ADGRB3: variants seen among roughly 807,000 people sequenced by gnomAD.
ADGRB3 encodes brain-specific angiogenesis inhibitor 3.
In ADGRB3, 37 loss-of-function variants were observed where a neutral mutation model predicts 193.4. That is an observed-to-expected ratio of 0.19 (90% CI 0.15 to 0.25). The LOEUF is 0.25. Ranked by LOEUF, ADGRB3 falls within the 10% of genes least tolerant of loss-of-function variation. ADGRB3 has a pLI of 1.00. For synonymous variants in ADGRB3, 690 were observed against 644.2 expected, an observed-to-expected ratio of 1.07 and a Z score of -1.08; for missense variants, 1,637 against 1,852.9, an observed-to-expected ratio of 0.88 and a Z score of 2.14.
At chr6:68,934,205 A>G (rs922951982) in intron 4 of ADGRB3, among the ~76,000 whole-genome samples, 1 of 152,142 alleles carries the variant, frequency 6.6e-6, no homozygotes, top group Non-Finnish European at 1.5e-5. Flanking sequence ...TTTTAATTCA[A>G]AATCTGAAAG....
chr6:69,337,423 T>G (rs1768876845), intron 24 of ADGRB3, among the ~76,000 whole-genome samples: 1 of 152,102 alleles, frequency 6.6e-6, no homozygotes, highest in Admixed American at 6.6e-5. Context: ...AAAAAGCAGA[T>G]GCCTAAGTCC....
intron 3 of ADGRB3, among the ~76,000 whole-genome samples, chr6:68,775,288 A>G (rs1766716811): frequency 6.6e-6 from 1 of 152,146 alleles, no homozygotes; most frequent in Non-Finnish European, 1.5e-5. Flanking sequence ...AAAAGTTAAC[A>G]TGAGTGAACA....
At chr6:68,772,882 CAAAAAAA>C (rs763967322) in intron 3 of ADGRB3, among the ~76,000 whole-genome samples, 10 of 23,924 alleles carry the variant, frequency 4.2e-4, no homozygotes, top group South Asian at 3.4e-3. Context: ...AACAAACAAA[CAAAAAAA>C]AAAAAATATA....
chr6:68,721,968 A>G (rs188337276), intron 3 of ADGRB3, among the ~76,000 whole-genome samples: 4 of 151,584 alleles, frequency 2.6e-5, no homozygotes, highest in Admixed American at 2.6e-4. Flanking sequence ...TCATTTTTTC[A>G]TTTGCATTTT....
intron 17 of ADGRB3, among the ~76,000 whole-genome samples, chr6:69,189,862 T>C (rs1395509288): frequency 6.6e-6 from 1 of 152,144 alleles, no homozygotes; most frequent in Non-Finnish European, 1.5e-5. Context: ...CAGCATAACG[T>C]TGTGGTCAAT....
At position 68,814,980 on chromosome 6, in the gene ADGRB3, C is replaced by G. The variant is rs570234321; in HGVS notation, c.758-115579C>G. Among the ~76,000 whole-genome samples, 3 of 152,198 alleles carry G rather than the reference C, an allele frequency of 2.0e-5. No homozygotes were observed. The South Asian group carries it at 6.2e-4, about 32-fold the overall frequency. The stretch of plus-strand genomic sequence containing the variant: ...CTCAATAAATTCGGTATTGATGGGA[C>G]GTATCTCAAAATAATAAGAGCTATC... On this transcript the variant is annotated intron_variant, in intron 3 of 31. Transcript: ENST00000370598.
chr6:68,984,351 G>T (rs1398781395), intron 10 of ADGRB3, among the ~76,000 whole-genome samples: 1 of 152,070 alleles, frequency 6.6e-6, no homozygotes, highest in Non-Finnish European at 1.5e-5. Context: ...GGAAGGCAGG[G>T]CCATGAGGAA....
chr6:69,049,968 C>G (rs1035007375), intron 15 of ADGRB3, among the ~76,000 whole-genome samples: 8 of 152,170 alleles, frequency 5.3e-5, no homozygotes, highest in Middle Eastern at 3.2e-3. Context: ...TACCAAATCT[C>G]ACAGAAAACA....
At chr6:69,340,109 T>C (rs556927784) in intron 26 of ADGRB3, among the ~76,000 whole-genome samples, 1 of 152,164 alleles carries the variant, frequency 6.6e-6, no homozygotes, top group African/African-American at 2.4e-5. Context: ...GCAGTGATTA[T>C]CTCCAAGAAC....
chr6:68,886,954 T>A (rs1765926946), intron 3 of ADGRB3, among the ~76,000 whole-genome samples: 1 of 151,910 alleles, frequency 6.6e-6, no homozygotes, highest in Non-Finnish European at 1.5e-5. Flanking sequence ...TCTGGTTTTG[T>A]AAGTCTGGGT....
chr6:68,736,874 T>G (rs936271331), intron 3 of ADGRB3, among the ~76,000 whole-genome samples: 2 of 152,030 alleles, frequency 1.3e-5, no homozygotes, highest in Non-Finnish European at 2.9e-5. Flanking sequence ...CTACTAATAG[T>G]TGCTTTATTT....
chr6:69,239,012 C>T, intron 19 of ADGRB3, 112 bp from the exon 20 acceptor site: 1 of 509,754 alleles, frequency 2.0e-6, no homozygotes, highest in East Asian at 3.1e-5. Context: ...TGTAAATATT[C>T]CTGTGCTACA....
At chr6:68,852,636 A>G (rs1394869729) in intron 3 of ADGRB3, among the ~76,000 whole-genome samples, 2 of 152,046 alleles carry the variant, frequency 1.3e-5, no homozygotes, top group Admixed American at 6.6e-5. Flanking sequence ...TGCCAACACT[A>G]TCAGTGGCAT....
chr6:69,336,358 C>A (rs76567210), intron 24 of ADGRB3, among the ~76,000 whole-genome samples: 5,640 of 151,152 alleles, frequency 0.037, 176 homozygotes, highest in Admixed American at 0.095. Flanking sequence ...GTCTTATGTA[C>A]CTGAAACTAA....
chr6:68,819,743 G>T (rs1767712945), intron 3 of ADGRB3, among the ~76,000 whole-genome samples: 1 of 151,940 alleles, frequency 6.6e-6, no homozygotes, highest in Non-Finnish European at 1.5e-5. Flanking sequence ...ATAAGAAATA[G>T]ATAAAATTGT....
At chr6:68,916,962 C>T (rs190374846) in intron 3 of ADGRB3, among the ~76,000 whole-genome samples, 1 of 152,104 alleles carries the variant, frequency 6.6e-6, no homozygotes, top group African/African-American at 2.4e-5. Flanking sequence ...AAGGATCTGT[C>T]CCTGTGCTAT....
chr6:68,970,688 C>T (rs1768535570), intron 8 of ADGRB3, among the ~76,000 whole-genome samples: 1 of 152,186 alleles, frequency 6.6e-6, no homozygotes, highest in African/African-American at 2.4e-5. Flanking sequence ...AGCTCTAGCA[C>T]ATATTAGGTA....
rs368497826 is a variant in ADGRB3, at chr6:69,211,061, G to T, written c.2481-22229G>T. On this transcript the variant is annotated intron_variant, in intron 17 of 31. Transcript: ENST00000370598. ...GGCCTGAACCCGGGAGGCAGAGCTT[G>T]CAGTGAGCTGAGATCACGCCACTGC... is the stretch of plus-strand genomic sequence containing the variant. Among the ~76,000 whole-genome samples, 12 of 152,298 alleles carry T rather than the reference G, an allele frequency of 7.9e-5. No homozygotes were observed. In the East Asian group the frequency reaches 1.9e-3, roughly 25 times the overall value.
At position 68,645,026 on chromosome 6, in the gene ADGRB3, T is replaced by C. The variant is rs551047960; in HGVS notation, c.757+5594T>C. On this transcript the variant is annotated intron_variant, in intron 3 of 31. Coordinates refer to ENST00000370598, the MANE Select transcript of ADGRB3 (RefSeq NM_001704.3). The stretch of plus-strand genomic sequence containing the variant: ...CTTCCTTTCCTGACAGAAGCAATTT[T>C]ATTGTTAAGCTGATTTTTTCCATAT... Among the ~76,000 whole-genome samples, 21 of 152,338 alleles carry C rather than the reference T, an allele frequency of 1.4e-4. No homozygotes were observed. In the South Asian group the frequency reaches 4.3e-3, roughly 32 times the overall value.
Sources: allele counts gnomAD v4.1 joint callset (sites outside exome capture counted in the v4.1 genomes callset), GRCh38; gene constraint gnomAD v4.1.1; transcripts MANE v1.5; gene names NCBI Gene and HGNC (gene_info 2026-07-23, HGNC 2026-07-21).